The following MAPK8 variants were observed in gnomAD, a reference collection of about 807,000 sequenced individuals.
The protein encoded by MAPK8 is mitogen-activated protein kinase 8.
Under a neutral mutation model 52.9 loss-of-function variants are expected in MAPK8, and 13 were observed. The ratio of observed to expected loss-of-function variants is 0.25; its 90% confidence interval spans 0.16 to 0.39. The LOEUF is 0.39. Ranked by LOEUF, MAPK8 falls within the 10% of genes least tolerant of loss-of-function variation. MAPK8 has a pLI of 1.00. For synonymous variants in MAPK8, 191 were observed against 169.8 expected (o/e 1.12, Z -0.97); for missense variants, 300 against 519.2 (o/e 0.58, Z 4.10).
At chr10:48,333,280 T>C (rs1250592250) in intron 1 of MAPK8, among the ~76,000 whole-genome samples, 1 of 152,224 alleles carries the variant, frequency 6.6e-6, no homozygotes, top group East Asian at 1.9e-4. Context: ...GTTAACCATC[T>C]TCCAGCTCTT....
intron 1 of MAPK8, among the ~76,000 whole-genome samples, chr10:48,331,217 G>A (rs1251229945): frequency 6.6e-6 from 1 of 152,144 alleles, no homozygotes; most frequent in Non-Finnish European, 1.5e-5. Context: ...GCCTGCGAGA[G>A]CTATCCCTGA....
At position 48,351,582 on chromosome 10, in the gene MAPK8, A is replaced by T. The variant is rs73294817; in HGVS notation, c.-50+44761A>T. ...GTTATGAACATGCTTGAAATAAATTAAAAAAAAAGGAAGTTTTCAGCATAG... is the reference window on the plus strand; with the variant it reads ...GTTATGAACATGCTTGAAATAAATTTAAAAAAAAGGAAGTTTTCAGCATAG... On this transcript the variant is annotated intron_variant, in intron 1 of 11. Transcript: ENST00000374189. 4.0e-3 allele frequency among the ~76,000 whole-genome samples: 601 copies of T among 151,340 alleles called. 4 individuals are homozygous for T. The highest frequency in any genetic ancestry group is 0.012 in the African/African-American group (513 of 41,214).
chr10:48,376,920 A>G (rs1307191840), intron 1 of MAPK8, among the ~76,000 whole-genome samples: 1 of 152,218 alleles, frequency 6.6e-6, no homozygotes, highest in Non-Finnish European at 1.5e-5. Context: ...ATGCACATGT[A>G]TGTTTATTGT....
chr10:48,402,576 G>A (rs1489960454), intron 2 of MAPK8, among the ~76,000 whole-genome samples: 4 of 152,186 alleles, frequency 2.6e-5, no homozygotes, highest in Non-Finnish European at 4.4e-5. Context: ...GATACTGATT[G>A]CAGATCACTA....
At chr10:48,429,932 T>C (rs1564625254) in intron 10 of MAPK8, 1 of 152,224 alleles carries the variant, frequency 6.6e-6, no homozygotes, top group South Asian at 2.1e-4. Flanking sequence ...GGTTCACTAC[T>C]TTTATACAAT....
At chr10:48,426,588 T>G in intron 9 of MAPK8, 84 bp downstream of exon 9, 1 of 1,292,530 alleles carries the variant, frequency 7.7e-7, no homozygotes, top group Non-Finnish European at 1.1e-6. Flanking sequence ...ACCTTTTAAT[T>G]TTAAATAAAA....
At chr10:48,374,881 C>T (rs1477233072) in intron 1 of MAPK8, among the ~76,000 whole-genome samples, 1 of 152,184 alleles carries the variant, frequency 6.6e-6, no homozygotes, top group Admixed American at 6.5e-5. Context: ...CTCTGTAACT[C>T]ATTTTATGAG....
rs113540415 is a variant in MAPK8 at position 48,306,708 on chromosome 10, C to G, written c.-163C>G. 0.057 allele frequency: 8,705 copies of G among 151,462 alleles called. 302 individuals carry two copies. The highest frequency in any genetic ancestry group is 0.092 in the Middle Eastern group (27 of 292). The allele number at this position is 151,462 out of a possible 1,614,324, so 9.4% of individuals were successfully genotyped here. ...CAGCCGAGCGGCCGAGGCCGGACGACGCGGCTTGGATTGCGGAGCCGCGAG... is the reference window on the plus strand; with the variant it reads ...CAGCCGAGCGGCCGAGGCCGGACGAGGCGGCTTGGATTGCGGAGCCGCGAG... On this transcript the variant is annotated 5_prime_UTR_variant, in exon 1 of 12. Transcript: ENST00000374189.
At position 48,423,918 on chromosome 10, in the gene MAPK8, A is replaced by G. The variant is rs1564616870; in HGVS notation, c.617-170A>G. On this transcript the variant is annotated intron_variant, in intron 6 of 11. Transcript: ENST00000374189. ...CTTTACATTTTCTTTTGTGAACCAG[A>G]CTTTCAAAAAATAATTTGTGTTTTA... Among the ~76,000 whole-genome samples, 3 of 152,302 alleles carry G rather than the reference A, an allele frequency of 2.0e-5. No individual in the cohort carries two copies. In the East Asian group the frequency reaches 5.8e-4, roughly 29 times the overall value.
chr10:48,322,449 C>G (rs1330820253), intron 1 of MAPK8, among the ~76,000 whole-genome samples: 1 of 152,152 alleles, frequency 6.6e-6, no homozygotes, highest in Non-Finnish European at 1.5e-5. Flanking sequence ...TTTTTGTTGA[C>G]TTTGGCAGGA....
At chr10:48,399,726 T>C (rs1007256119) in intron 1 of MAPK8, among the ~76,000 whole-genome samples, 2 of 152,224 alleles carry the variant, frequency 1.3e-5, no homozygotes, top group Non-Finnish European at 2.9e-5. Flanking sequence ...TATCACCTCC[T>C]GTGAAGCACC....
chr10:48,399,326 G>C (rs949635232), intron 1 of MAPK8, among the ~76,000 whole-genome samples: 1 of 152,224 alleles, frequency 6.6e-6, no homozygotes, highest in African/African-American at 2.4e-5. Flanking sequence ...GCATGACTGA[G>C]TATAAGTGAG....
At chr10:48,424,512 A>G in intron 7 of MAPK8, 1 of 1,571,704 alleles carries the variant, frequency 6.4e-7, no homozygotes, top group Non-Finnish European at 8.6e-7. Context: ...TTTTGTTTTC[A>G]GTTGACATTT....
intron 3 of MAPK8, among the ~76,000 whole-genome samples, chr10:48,406,990 C>T (rs1480156756): frequency 6.6e-6 from 1 of 152,204 alleles, no homozygotes; most frequent in African/African-American, 2.4e-5. Context: ...GCCTGCCTTA[C>T]AGTTCCCATC....
rs551880747 is a variant in MAPK8, at chr10:48,385,623, T to A, written c.-49-15989T>A. Among the ~76,000 whole-genome samples, 21 of 152,286 alleles carry A rather than the reference T, an allele frequency of 1.4e-4. 1 individual carries two copies. The South Asian group carries it at 1.7e-3, about 12-fold the overall frequency. On this transcript the variant is annotated intron_variant, in intron 1 of 11. Transcript: ENST00000374189. Reference sequence around the variant, plus strand: ...GGTAGTAAAAAATGAGTTTTTTTTTTAATTAGCCAGGCTTTAGGCCTTATC... The same window carrying A: ...GGTAGTAAAAAATGAGTTTTTTTTTAAATTAGCCAGGCTTTAGGCCTTATC...
intron 1 of MAPK8, among the ~76,000 whole-genome samples, chr10:48,311,044 A>G (rs1250394918): frequency 1.3e-5 from 2 of 152,070 alleles, no homozygotes; most frequent in African/African-American, 2.4e-5. Context: ...GTTATATAAC[A>G]TATTTGGGCC....
Position 48,410,056 on chromosome 10 carries a change from C to A in MAPK8, c.338C>A (p.Ala113Glu). 1 of 1,601,794 alleles carries A rather than the reference C, an allele frequency of 6.2e-7. No individual in the cohort carries two copies. The highest frequency in any genetic ancestry group is 8.5e-7 in the Non-Finnish European group (1 of 1,174,980). ...DVYIVMELMDANLCQVIQMEL... is the reference protein window; with the variant it reads ...DVYIVMELMDENLCQVIQMEL... ...TACATAGTCATGGAGCTCATGGATG[C>A]AAATCTTTGCCAAGTGATTCAGATG... The change falls in exon 5 of 12, where the codon GCA becomes GAA. Residue 113 changes from alanine to glutamate, a missense_variant. By Grantham distance (107) the Ala-to-Glu change is moderately radical. Coordinates refer to ENST00000374189, the MANE Select transcript of MAPK8 (RefSeq NM_001323329.2).
chr10:48,433,591 G>C (rs753357150), intron 11 of MAPK8, among the ~76,000 whole-genome samples: 2 of 152,028 alleles, frequency 1.3e-5, no homozygotes, highest in African/African-American at 2.4e-5. Context: ...TTTCTCTTCC[G>C]TTTCAGCTCC....
chr10:48,424,063 C>T (rs756954594), intron 6 of MAPK8, 25 bp from the exon 7 acceptor site: 4 of 1,585,850 alleles, frequency 2.5e-6, no homozygotes, highest in Non-Finnish European at 3.4e-6. Context: ...TTTGCTTTTC[C>T]TTCTTTTGTG....
Sources: gnomAD v4.1 joint callset for allele counts (sites outside exome capture counted in the v4.1 genomes callset) on GRCh38, gnomAD v4.1.1 for gene constraint, MANE v1.5 for transcripts, NCBI Gene and HGNC (gene_info 2026-07-23, HGNC 2026-07-21) for gene names.